The following IL1RAPL1 variants were observed in gnomAD, a reference collection of about 807,000 sequenced individuals.
IL1RAPL1 encodes interleukin 1 receptor accessory protein like 1, also known as interleukin-1 receptor accessory protein-like 1.
Under a neutral mutation model 48.4 loss-of-function variants are expected in IL1RAPL1, and 3 were observed. The ratio of observed to expected loss-of-function variants is 0.06; its 90% confidence interval spans 0.03 to 0.16. IL1RAPL1 has a LOEUF of 0.16. Ranked by LOEUF, IL1RAPL1 falls within the 10% of genes least tolerant of loss-of-function variation. The probability of loss-of-function intolerance (pLI) is 1.00; values close to 1 mark genes in which losing one functional copy is unlikely to be tolerated. For missense variants in IL1RAPL1, 349 were observed against 530.6 expected (o/e 0.66, Z 3.36); for synonymous variants, 185 against 187.7 (o/e 0.99, Z 0.12).
intron 2 of IL1RAPL1, among the ~76,000 whole-genome samples, chrX:29,258,676 T>G (rs1166233846): frequency 9.0e-6 from 1 of 110,979 alleles, no homozygotes; most frequent in African/African-American, 3.3e-5. Context: ...TGTAATAACA[T>G]TCCCCCACAG....
rs779894157 is a variant in IL1RAPL1, at chrX:29,485,963, C to T, written c.703+86655C>T. 2.9e-3 allele frequency among the ~76,000 whole-genome samples: 319 copies of T among 111,212 alleles called. 3 individuals carry two copies. Among genetic ancestry groups the T allele is most frequent in the African/African-American group, 9.9e-3 (303 of 30,580 alleles). Reference sequence around the variant, plus strand: ...GCACATTAAAGTTTGAGAAGCGCAGCGTTAGGCCAGCATCAGCAACACTTG... The same window carrying T: ...GCACATTAAAGTTTGAGAAGCGCAGTGTTAGGCCAGCATCAGCAACACTTG... On this transcript the variant is annotated intron_variant, in intron 5 of 10. Transcript: ENST00000378993.
chrX:28,590,767 C>A (rs765408541), intron 1 of IL1RAPL1, among the ~76,000 whole-genome samples: 10 of 111,383 alleles, frequency 9.0e-5, no homozygotes, highest in Non-Finnish European at 1.5e-4. Flanking sequence ...ACATATGTTA[C>A]CAAGCAGGGC....
chrX:29,002,044 T>C (rs1057100779), intron 2 of IL1RAPL1, among the ~76,000 whole-genome samples: 3 of 109,274 alleles, frequency 2.7e-5, no homozygotes, highest in Non-Finnish European at 5.7e-5. Context: ...TACAGGTGCA[T>C]GCCACTATGT....
At chrX:29,311,966 A>G (rs1294503357) in intron 3 of IL1RAPL1, among the ~76,000 whole-genome samples, 14 of 112,237 alleles carry the variant, frequency 1.2e-4, no homozygotes, top group Non-Finnish European at 2.4e-4. Context: ...AGTTTTGTTC[A>G]TTATTGAGTT....
chrX:29,562,432 C>T (rs1476913384), intron 5 of IL1RAPL1, among the ~76,000 whole-genome samples: 1 of 110,928 alleles, frequency 9.0e-6, no homozygotes, highest in Non-Finnish European at 1.9e-5. Flanking sequence ...TTTAACAAGT[C>T]TCTCACTTTA....
intron 5 of IL1RAPL1, among the ~76,000 whole-genome samples, chrX:29,660,250 G>A (rs747148797): frequency 8.9e-5 from 10 of 111,823 alleles, no homozygotes; most frequent in African/African-American, 1.3e-4. Context: ...ACCTTGTCAG[G>A]TAGATCATTT....
At chrX:28,911,244 T>C (rs1013614222) in intron 2 of IL1RAPL1, among the ~76,000 whole-genome samples, 1 of 111,694 alleles carries the variant, frequency 9.0e-6, no homozygotes, top group Non-Finnish European at 1.9e-5. Flanking sequence ...AAGGAATTTT[T>C]CAGGAAAGTA....
chrX:29,582,446 G>T (rs1173207194), intron 5 of IL1RAPL1, among the ~76,000 whole-genome samples: 1 of 92,465 alleles, frequency 1.1e-5, no homozygotes, highest in Non-Finnish European at 2.1e-5. Flanking sequence ...ACATTGTGCA[G>T]GTTAGTTACA....
At chrX:28,727,075 G>A (rs990274485) in intron 1 of IL1RAPL1, among the ~76,000 whole-genome samples, 3 of 111,528 alleles carry the variant, frequency 2.7e-5, no homozygotes, top group Non-Finnish European at 5.7e-5. Context: ...GTGAAGAAAG[G>A]CATTGGTAGC....
intron 5 of IL1RAPL1, among the ~76,000 whole-genome samples, chrX:29,547,187 A>AT (rs1218242355): frequency 9.0e-6 from 1 of 111,729 alleles, no homozygotes; most frequent in Non-Finnish European, 1.9e-5. Flanking sequence ...TTCAATTAAA[A>AT]TTTTTTTATA....
At chrX:29,735,349 A>G (rs752114774) in intron 6 of IL1RAPL1, among the ~76,000 whole-genome samples, 78 of 111,945 alleles carry the variant, frequency 7.0e-4, no homozygotes, top group Non-Finnish European at 1.3e-3. Flanking sequence ...TAGATAATTC[A>G]GGATAATCTC....
At chrX:29,944,971 A>T (rs762259458) in intron 9 of IL1RAPL1, among the ~76,000 whole-genome samples, 4 of 110,570 alleles carry the variant, frequency 3.6e-5, no homozygotes, top group Non-Finnish European at 7.6e-5. Flanking sequence ...AAAAGTAATC[A>T]TCTTCTTCAT....
intron 5 of IL1RAPL1, among the ~76,000 whole-genome samples, chrX:29,631,010 T>G (rs1924759636): frequency 8.9e-6 from 1 of 112,143 alleles, no homozygotes; most frequent in African/African-American, 3.2e-5. Context: ...ATATGTTTTT[T>G]CAATATATTG....
intron 2 of IL1RAPL1, among the ~76,000 whole-genome samples, chrX:29,074,627 C>A (rs1439376978): frequency 9.0e-6 from 1 of 111,051 alleles, no homozygotes; most frequent in East Asian, 2.8e-4. Context: ...ATGTATTATT[C>A]TTATAATTTA....
chrX:29,878,640 ATTCT>A (rs1227141298), intron 6 of IL1RAPL1, among the ~76,000 whole-genome samples: 1 of 112,015 alleles, frequency 8.9e-6, no homozygotes, highest in Non-Finnish European at 1.9e-5. Context: ...TACAGATATA[ATTCT>A]TTATATTTGC....
chrX:29,091,962 G>T (rs1928100789), intron 2 of IL1RAPL1, among the ~76,000 whole-genome samples: 1 of 111,617 alleles, frequency 9.0e-6, no homozygotes, highest in Non-Finnish European at 1.9e-5. Flanking sequence ...AAAATAATAG[G>T]TTCCCAAAAT....
At chrX:28,598,818 G>T (rs1933986620) in intron 1 of IL1RAPL1, among the ~76,000 whole-genome samples, 1 of 106,148 alleles carries the variant, frequency 9.4e-6, no homozygotes, top group Non-Finnish European at 2.0e-5. Flanking sequence ...AGTAGAGACG[G>T]GGTTTCACCA....
chrX:29,314,049 G>A (rs767067418), intron 3 of IL1RAPL1, among the ~76,000 whole-genome samples: 4 of 111,636 alleles, frequency 3.6e-5, no homozygotes, highest in African/African-American at 6.5e-5. Flanking sequence ...ATTCATTCGC[G>A]ATTGTGGGAT....
intron 2 of IL1RAPL1, among the ~76,000 whole-genome samples, chrX:29,252,028 C>T (rs1415995420): frequency 1.3e-5 from 1 of 78,349 alleles, no homozygotes; most frequent in Non-Finnish European, 2.7e-5. Flanking sequence ...AAAAACCAAA[C>T]ACCGCGTGTT....
Sources: gnomAD v4.1 joint callset for allele counts (sites outside exome capture counted in the v4.1 genomes callset) on GRCh38, gnomAD v4.1.1 for gene constraint, MANE v1.5 for transcripts, NCBI Gene and HGNC (gene_info 2026-07-23, HGNC 2026-07-21) for gene names.